Variants in PRCP observed in about 807,000 individuals in gnomAD.
The protein encoded by PRCP is prolylcarboxypeptidase.
A neutral mutation model predicts 54.2 loss-of-function variants in PRCP; 46 were observed. The observed-to-expected ratio is 0.85, with a 90% CI of 0.67 to 1.09. The LOEUF (loss-of-function observed/expected upper bound fraction) is 1.09, where lower values mean the gene tolerates loss of function less well. Ranked by LOEUF, PRCP falls within the 50% of genes least tolerant of loss-of-function variation. The pLI is 0.00. For missense variants in PRCP, 613 were observed against 596.8 expected (o/e 1.03, Z -0.28); for synonymous variants, 240 against 212.2 (o/e 1.13, Z -1.14).
At chr11:82,845,424 G>C (rs892357337) in intron 6 of PRCP, among the ~76,000 whole-genome samples, 2 of 152,050 alleles carry the variant, frequency 1.3e-5, no homozygotes. Flanking sequence ...TCCTCTCAGA[G>C]CATGGTCCAT....
chr11:82,899,918 G>A (rs1777920515), intron 1 of PRCP: 1 of 291,214 alleles, frequency 3.4e-6, no homozygotes, highest in East Asian at 8.6e-5. Context: ...ATTTGAATTT[G>A]AGGGAAGGTC....
chr11:82,838,072 TCAA>T (rs1186615889), intron 8 of PRCP, among the ~76,000 whole-genome samples: 6 of 152,182 alleles, frequency 3.9e-5, no homozygotes, highest in Admixed American at 3.3e-4. Context: ...TTTATTACCA[TCAA>T]CAACAACATA....
chr11:82,848,754 C>T (rs1369393917), intron 6 of PRCP, among the ~76,000 whole-genome samples: 2 of 152,200 alleles, frequency 1.3e-5, no homozygotes, highest in African/African-American at 2.4e-5. Context: ...GGATTTGGCA[C>T]ATAGTAATTA....
intron 1 of PRCP, among the ~76,000 whole-genome samples, chr11:82,890,433 G>C (rs982434900): frequency 6.6e-6 from 1 of 152,108 alleles, no homozygotes; most frequent in African/African-American, 2.4e-5. Context: ...AACTGTTCAT[G>C]CTCTTGTTTT....
rs1364444951 is a variant in PRCP, at chr11:82,824,306, A to G, written c.*600T>C. 6.5e-6 allele frequency: 1 copy of G among 153,038 alleles called. No homozygotes were observed. The highest frequency in any genetic ancestry group is 1.5e-5 in the Non-Finnish European group (1 of 68,530). 9.5% of individuals were successfully genotyped at this position (153,038 alleles called of 1,614,324 possible). On this transcript the variant is annotated 3_prime_UTR_variant, in exon 9 of 9. Transcript: ENST00000313010. ...GGACTTTCCAAAAACAGCTAAGCCC[A>G]GTGCACACAGCATTTCCATCAGCCG...
intron 1 of PRCP, among the ~76,000 whole-genome samples, chr11:82,883,031 C>T (rs903399148): frequency 6.6e-6 from 1 of 152,094 alleles, no homozygotes; most frequent in South Asian, 2.1e-4. Context: ...AAACCAAGTA[C>T]TAATGGTAGA....
intron 3 of PRCP, among the ~76,000 whole-genome samples, chr11:82,851,192 G>A (rs1196677946): frequency 6.6e-6 from 1 of 152,054 alleles, no homozygotes; most frequent in African/African-American, 2.4e-5. Flanking sequence ...AGGCTAAGAA[G>A]GTCTTTTAAA....
intron 1 of PRCP, among the ~76,000 whole-genome samples, chr11:82,898,285 T>C (rs1334367744): frequency 1.3e-5 from 2 of 152,160 alleles, no homozygotes; most frequent in African/African-American, 4.8e-5. Context: ...ACTTTGCATA[T>C]CATCAAAAAT....
chr11:82,881,102 T>C (rs1283451855), intron 1 of PRCP, among the ~76,000 whole-genome samples: 1 of 152,212 alleles, frequency 6.6e-6, no homozygotes, highest in Non-Finnish European at 1.5e-5. Context: ...AAGGCCTTTG[T>C]GGTCTAGATC....
intron 8 of PRCP, chr11:82,829,718 T>A (rs533129449): frequency 1.3e-5 from 2 of 152,304 alleles, no homozygotes; most frequent in South Asian, 4.1e-4. Context: ...CATCTCCAAG[T>A]TCCTAGAAGC....
intron 8 of PRCP, among the ~76,000 whole-genome samples, chr11:82,833,894 A>G (rs1010202991): frequency 2.0e-5 from 3 of 152,122 alleles, no homozygotes; most frequent in African/African-American, 4.8e-5. Context: ...AGTTTCTTAC[A>G]TGGAGCTCTA....
At chr11:82,853,058 A>G in intron 3 of PRCP, 119 bp downstream of exon 3, 1 of 631,320 alleles carries the variant, frequency 1.6e-6, no homozygotes, top group East Asian at 3.1e-5. Flanking sequence ...ATTAAATATA[A>G]ACTATTGAGC....
In PRCP at chr11:82,893,915, C is replaced by T. The variant is rs543237287; in HGVS notation, c.168+6320G>A. Reference sequence around the variant, plus strand: ...TATTAAGTACTTAGGATAATATTTACGGTATTTGAAGCTTTCAATAAATGG... The same window carrying T: ...TATTAAGTACTTAGGATAATATTTATGGTATTTGAAGCTTTCAATAAATGG... On this transcript the variant is annotated intron_variant, in intron 1 of 8. Transcript: ENST00000313010. Among the ~76,000 whole-genome samples, 408 of 152,220 alleles carry T rather than the reference C, an allele frequency of 2.7e-3. 4 individuals are homozygous for T. Among genetic ancestry groups the T allele is most frequent in the African/African-American group, 9.3e-3 (388 of 41,538 alleles).
At chr11:82,884,849 G>A (rs1390224129) in intron 1 of PRCP, 2 of 1,613,430 alleles carry the variant, frequency 1.2e-6, no homozygotes, top group Admixed American at 3.3e-5. Context: ...TGATTTAGTT[G>A]GATAATACAT....
In PRCP at chr11:82,853,260, C is replaced by T. The variant is rs770718508; in HGVS notation, c.328G>A (p.Ala110Thr). 6.2e-7 allele frequency: 1 copy of T among 1,611,964 alleles called. No individual in the cohort carries two copies. The highest frequency in any genetic ancestry group is 8.5e-7 in the Non-Finnish European group (1 of 1,178,520). The change falls in exon 3 of 9, where the codon GCT becomes ACT. Residue 110 changes from alanine (A) to threonine (T), a missense_variant. By Grantham distance (58) the Ala-to-Thr change is moderately conservative. Transcript: ENST00000313010. Reference protein sequence around the residue: ...CNNTGFMWDVAEELKAMLVFA... With the variant: ...CNNTGFMWDVTEELKAMLVFA... ...ACCAACATAGCTTTCAGTTCCTCAG[C>T]CACATCCCACATGAACCCCTAAGAA...
chr11:82,842,728 T>C (rs1054712890), intron 6 of PRCP, among the ~76,000 whole-genome samples: 19 of 152,226 alleles, frequency 1.2e-4, no homozygotes, highest in Admixed American at 3.3e-4. Flanking sequence ...TGATTTTTAA[T>C]TCTACTACTA....
At chr11:82,900,730 T>C (rs1398058609), upstream of PRCP, 2 of 519,514 alleles carry the variant, frequency 3.8e-6, no homozygotes, top group Non-Finnish European at 7.5e-6. Flanking sequence ...CCATGCTTTA[T>C]CTATAGCGCC....
chr11:82,845,176 A>G (rs1046847152), intron 6 of PRCP, among the ~76,000 whole-genome samples: 2 of 152,346 alleles, frequency 1.3e-5, no homozygotes, highest in East Asian at 3.9e-4. Context: ...AGTTGAGAAA[A>G]TAGAACATTC....
At chr11:82,901,120 C>A (rs1357727755), upstream of PRCP, among the ~76,000 whole-genome samples, 8 of 152,188 alleles carry the variant, frequency 5.3e-5, no homozygotes, top group Non-Finnish European at 1.2e-4. Flanking sequence ...GTGCTCCTTG[C>A]ACCCACCTCC....
Sources: allele counts gnomAD v4.1 joint callset (sites outside exome capture counted in the v4.1 genomes callset), GRCh38; gene constraint gnomAD v4.1.1; transcripts MANE v1.5; gene names NCBI Gene and HGNC (gene_info 2026-07-23, HGNC 2026-07-21).